The following TDRD5 variants were observed in gnomAD, a reference collection of about 807,000 sequenced individuals.
TDRD5 encodes the protein tudor domain-containing protein 5.
A neutral mutation model predicts 120.6 loss-of-function variants in TDRD5; 41 were observed. The observed-to-expected ratio is 0.34, with a 90% confidence interval of 0.26 to 0.44. The LOEUF (loss-of-function observed/expected upper bound fraction) is 0.44. TDRD5 is among the 20% of genes least tolerant of loss of function. The pLI is 1.00. For missense variants in TDRD5, 1,006 were observed against 1,221.2 expected (o/e 0.82, Z 2.63); for synonymous variants, 430 against 433.7 (o/e 0.99, Z 0.11).
chr1:179,592,741 T>C lies in TDRD5; in HGVS notation c.126T>C (p.His42=). The C allele has an allele frequency of 6.2e-7, 1 of 1,614,166 alleles. No individual in the cohort carries two copies. The highest frequency in any genetic ancestry group is 8.5e-7 in the Non-Finnish European group (1 of 1,180,028). Residue 42 remains histidine (H), a synonymous_variant, in exon 2 of 18, where the codon CAT becomes CAC. Coordinates refer to ENST00000444136, the MANE Select transcript of TDRD5 (RefSeq NM_001199085.3). ...EKEYLLMVGN[H]LPLRILGYRS... is the part of the protein sequence containing the mutation. Reference sequence around the variant, plus strand: ...AGTACCTTTTGATGGTTGGCAACCATCTACCACTCCGAATCCTTGGGTATC... The same window carrying C: ...AGTACCTTTTGATGGTTGGCAACCACCTACCACTCCGAATCCTTGGGTATC...
intron 14 of TDRD5, among the ~76,000 whole-genome samples, chr1:179,660,515 T>A (rs35663927): frequency 1.3e-5 from 2 of 152,140 alleles, no homozygotes; most frequent in East Asian, 1.9e-4. Flanking sequence ...ATTTGTATAG[T>A]GTTTTTAGTG....
intron 4 of TDRD5, among the ~76,000 whole-genome samples, chr1:179,608,492 A>G (rs1676109082): frequency 6.6e-6 from 1 of 151,998 alleles, no homozygotes. Flanking sequence ...CATTTTATAT[A>G]GTTTCAATTG....
At chr1:179,682,236 G>C (rs1447142443) in intron 17 of TDRD5, among the ~76,000 whole-genome samples, 2 of 151,156 alleles carry the variant, frequency 1.3e-5, no homozygotes, top group African/African-American at 4.9e-5. Flanking sequence ...TACATTGTTG[G>C]CTTAATTTCT....
chr1:179,623,177 C>T (rs1281148830), intron 6 of TDRD5, among the ~76,000 whole-genome samples: 1 of 152,126 alleles, frequency 6.6e-6, no homozygotes, highest in Non-Finnish European at 1.5e-5. Flanking sequence ...TAGACATTTT[C>T]AGGTAATCAG....
At chr1:179,688,917 A>G (rs531734170) in intron 17 of TDRD5, among the ~76,000 whole-genome samples, 3 of 152,282 alleles carry the variant, frequency 2.0e-5, no homozygotes, top group South Asian at 4.2e-4. Flanking sequence ...GGTCTTCTCT[A>G]TGATGTTTAT....
intron 17 of TDRD5, among the ~76,000 whole-genome samples, chr1:179,685,249 G>A (rs1194363731): frequency 3.3e-5 from 5 of 152,142 alleles, no homozygotes; most frequent in African/African-American, 1.2e-4. Flanking sequence ...TCCAGTTTCA[G>A]CTTTCTACAT....
intron 14 of TDRD5, among the ~76,000 whole-genome samples, chr1:179,656,114 G>A (rs1165610944): frequency 6.6e-6 from 1 of 152,204 alleles, no homozygotes; most frequent in Non-Finnish European, 1.5e-5. Flanking sequence ...GACATTGTCA[G>A]TAATTTTGCT....
intron 4 of TDRD5, among the ~76,000 whole-genome samples, chr1:179,613,598 T>A (rs1201302856): frequency 6.6e-6 from 1 of 152,214 alleles, no homozygotes; most frequent in Non-Finnish European, 1.5e-5. Context: ...ATATAAGGTG[T>A]CCAGTGAGAT....
At chr1:179,600,251 A>G (rs1050155463) in intron 4 of TDRD5, among the ~76,000 whole-genome samples, 2 of 152,206 alleles carry the variant, frequency 1.3e-5, no homozygotes, top group African/African-American at 4.8e-5. Flanking sequence ...ACCCAGAGCA[A>G]CGTACAACCC....
At chr1:179,601,637 T>TA (rs1675718015) in intron 4 of TDRD5, among the ~76,000 whole-genome samples, 1 of 152,262 alleles carries the variant, frequency 6.6e-6, no homozygotes, top group Non-Finnish European at 1.5e-5. Context: ...TGTATATAGA[T>TA]ACCATAGTTT....
At chr1:179,654,481 T>C in intron 14 of TDRD5, 119 bp downstream of exon 14, 1 of 1,130,682 alleles carries the variant, frequency 8.8e-7, no homozygotes, top group Non-Finnish European at 1.2e-6. Context: ...TACAAATTCT[T>C]AGGCCAAGTG....
chr1:179,604,298 T>G (rs6669429), intron 4 of TDRD5, among the ~76,000 whole-genome samples: 15,515 of 152,116 alleles, frequency 0.1, 928 homozygotes, highest in African/African-American at 0.15. Context: ...TAATGGTCTA[T>G]TAATTTTATT....
intron 17 of TDRD5, among the ~76,000 whole-genome samples, chr1:179,685,784 A>G (rs1248295777): frequency 6.6e-6 from 1 of 151,958 alleles, no homozygotes; most frequent in Non-Finnish European, 1.5e-5. Flanking sequence ...ATTCCTAGGT[A>G]TTTTATTCTC....
At chr1:179,663,648 C>T (rs550477686) in intron 16 of TDRD5, among the ~76,000 whole-genome samples, 157 bp downstream of exon 16, 1 of 152,156 alleles carries the variant, frequency 6.6e-6, no homozygotes, top group Non-Finnish European at 1.5e-5. Flanking sequence ...ACTTTCTGGG[C>T]TTTGTACTAG....
chr1:179,683,788 C>T (rs77708319), intron 17 of TDRD5, among the ~76,000 whole-genome samples: 2,953 of 151,832 alleles, frequency 0.019, 76 homozygotes, highest in African/African-American at 0.066. Context: ...CGTTGCTGAA[C>T]ACGTTGCTTA....
At chr1:179,621,112 C>T in intron 6 of TDRD5, 21 bp downstream of exon 6, 1 of 1,580,302 alleles carries the variant, frequency 6.3e-7, no homozygotes, top group Non-Finnish European at 8.6e-7. Context: ...TGCTTTTCCC[C>T]AACCCTAATT....
intron 4 of TDRD5, among the ~76,000 whole-genome samples, chr1:179,613,837 A>G (rs751428846): frequency 2.0e-5 from 3 of 152,202 alleles, no homozygotes; most frequent in Non-Finnish European, 2.9e-5. Context: ...GGATACATCT[A>G]TACTATAGCA....
intron 4 of TDRD5, among the ~76,000 whole-genome samples, chr1:179,602,011 G>T (rs1490693431): frequency 6.6e-6 from 1 of 152,194 alleles, no homozygotes; most frequent in Non-Finnish European, 1.5e-5. Flanking sequence ...TCACCATGTT[G>T]TCCAGGCTGG....
chr1:179,628,324 C>CTTTTTTTTTTTTTTTT (rs71569258), intron 6 of TDRD5, among the ~76,000 whole-genome samples: 10 of 54,634 alleles, frequency 1.8e-4, no homozygotes, highest in African/African-American at 4.4e-4. Context: ...CTTTTCTTTT[C>CTTTTTTTTTTTTTTTT]TTTTTTTTTT....
Sources: gnomAD v4.1 joint callset for allele counts (sites outside exome capture counted in the v4.1 genomes callset) on GRCh38, gnomAD v4.1.1 for gene constraint, MANE v1.5 for transcripts, NCBI Gene and HGNC (gene_info 2026-07-23, HGNC 2026-07-21) for gene names.